The following LAMB4 variants were observed in gnomAD, a reference collection of about 807,000 sequenced individuals.
LAMB4 encodes laminin subunit beta 4, also known as laminin subunit beta-4.
In LAMB4, 196 loss-of-function variants were observed where a neutral mutation model predicts 199.2. The ratio of observed to expected loss-of-function variants is 0.98; its 90% CI spans 0.88 to 1.11. The LOEUF is 1.11. LAMB4 is among the 50% of genes least tolerant of loss of function. The pLI is 0.00. For missense variants in LAMB4, 2,080 were observed against 2,171.2 expected (o/e 0.96, Z 0.83); for synonymous variants, 744 against 770.6 (o/e 0.97, Z 0.57).
rs553517171 is a variant in LAMB4, at chr7:108,037,439, T to C, written c.4628A>G (p.Asn1543Ser). The C allele has an allele frequency of 2.5e-6, 4 of 1,614,212 alleles. No homozygotes were observed. Among genetic ancestry groups the C allele is most frequent in the African/African-American group, 1.3e-5 (1 of 75,052 alleles). The change falls in exon 30 of 34, where the codon AAT becomes AGT. Residue 1543 changes from asparagine to serine, a missense_variant. By Grantham distance (46) the Asn-to-Ser change is conservative. Transcript: ENST00000388781. ...CTTTTGGGCTCCATCTGCTTCTTCA[T>C]TTAACCTGTTTTCATCTGTCCTGTA... ...EDYRTDENRLNEEADGAQKLL... is the reference protein window; with the variant it reads ...EDYRTDENRLSEEADGAQKLL...
Position 108,109,245 on chromosome 7 carries a change from C to T in LAMB4, c.329-1G>A, listed in dbSNP as rs746705827. On this transcript the variant is annotated splice_acceptor_variant, in intron 4 of 33. Transcript: ENST00000388781. LOFTEE classifies it high-confidence loss of function. ...AGTCTGATGCTGACATGATCAAGAC[C>T]TAAGGAAGAATCCAGAAAGAAGAAA... 2.1e-5 allele frequency: 33 copies of T among 1,609,360 alleles called. No homozygotes were observed. Among genetic ancestry groups the T allele is most frequent in the African/African-American group, 2.7e-5 (2 of 74,796 alleles).
At position 108,023,707 on chromosome 7, in the gene LAMB4, C is replaced by T; in HGVS notation, c.*332G>A. The T allele has an allele frequency of 5.9e-6, 1 of 169,492 alleles. No individual in the cohort carries two copies. Among genetic ancestry groups the T allele is most frequent in the Non-Finnish European group, 1.2e-5 (1 of 80,044 alleles). The allele number at this position is 169,492 out of a possible 1,614,324, so 10.5% of individuals were successfully genotyped here. On this transcript the variant is annotated 3_prime_UTR_variant, in exon 34 of 34. Coordinates refer to ENST00000388781, the MANE Select transcript of LAMB4 (RefSeq NM_007356.3). ...TTATTTAATGTTTAGGTTTATCTGACTGAAATGATTATTAGTTAGTAGAGT... is the reference window on the plus strand; with the variant it reads ...TTATTTAATGTTTAGGTTTATCTGATTGAAATGATTATTAGTTAGTAGAGT...
At chr7:108,122,723 G>T (rs1003429190) in intron 2 of LAMB4, among the ~76,000 whole-genome samples, 3 of 152,180 alleles carry the variant, frequency 2.0e-5, no homozygotes, top group African/African-American at 4.8e-5. Context: ...TGGAGAATTT[G>T]GCCTTTTAGC....
At chr7:108,015,597 A>G in the LAMB4 span, among the ~76,000 whole-genome samples, 1 of 152,182 alleles carries the variant, frequency 6.6e-6, no homozygotes, top group Admixed American at 6.5e-5. Flanking sequence ...TAGTTATTCT[A>G]ATAGGTTATT....
rs770334853 is a variant in LAMB4, at chr7:108,043,872, C to T, written c.4351G>A (p.Glu1451Lys). 6.2e-6 allele frequency: 10 copies of T among 1,603,844 alleles called. No homozygotes were observed. The highest frequency in any genetic ancestry group is 5.2e-5 in the Admixed American group (3 of 57,784). Residue 1451 changes from glutamate to lysine, a missense_variant, in exon 29 of 34, where the codon GAA becomes AAA. Coordinates refer to ENST00000388781, the MANE Select transcript of LAMB4 (RefSeq NM_007356.3). The stretch of plus-strand genomic sequence containing the variant: ...TGTAAGGCATTGTTTTTGGAGACTT[C>T]TGCCTGTTCACTTATACTTTCGATC... ...NQIESISEQA[E>K]VSKNNALQLR... is the part of the protein sequence containing the mutation.
At chr7:108,036,167 C>A (rs1440976102) in intron 30 of LAMB4, among the ~76,000 whole-genome samples, 1 of 151,592 alleles carries the variant, frequency 6.6e-6, no homozygotes, top group Non-Finnish European at 1.5e-5. Context: ...CCATCAGTAT[C>A]ACTTTTAATT....
chr7:108,076,176 G>GT (rs796087690), intron 17 of LAMB4, among the ~76,000 whole-genome samples: 44 of 152,060 alleles, frequency 2.9e-4, no homozygotes, highest in African/African-American at 9.9e-4. Context: ...ACACATAGTA[G>GT]TAAAAAATAG....
chr7:108,031,580 A>C (rs1247234170), intron 31 of LAMB4, among the ~76,000 whole-genome samples: 1 of 152,034 alleles, frequency 6.6e-6, no homozygotes, highest in East Asian at 1.9e-4. Context: ...TTTTTTCTAC[A>C]ACCTATGCAG....
Position 108,091,685 on chromosome 7 carries a change from A to G in LAMB4, c.1642T>C (p.Leu548=). The change falls in exon 14 of 34, where the codon TTG becomes CTG. Residue 548 remains leucine (L), a synonymous_variant. Transcript: ENST00000388781. ...EPAPGYFFAP[L]NFYLYEAEEA... is the part of the protein sequence containing the mutation. ...TCTGCCTCGTAGAGATAGAAATTCA[A>G]AGGAGCAAAGAAGTAGCCAGGGGCT... 5.0e-6 allele frequency: 8 copies of G among 1,614,186 alleles called. No individual in the cohort carries two copies. Among genetic ancestry groups the G allele is most frequent in the Non-Finnish European group, 6.8e-6 (8 of 1,180,032 alleles).
At chr7:108,063,702 C>T (rs141330442) in intron 22 of LAMB4, 59 bp downstream of exon 22, 2 of 1,432,286 alleles carry the variant, frequency 1.4e-6, no homozygotes, top group African/African-American at 2.8e-5. Context: ...GAGCTGACAA[C>T]ACACTTATGA....
chr7:108,012,335 A>T, the LAMB4 span, among the ~76,000 whole-genome samples: 1 of 152,212 alleles, frequency 6.6e-6, no homozygotes, highest in African/African-American at 2.4e-5. Flanking sequence ...TTTATGGGAT[A>T]CGTGGACTGT....
chr7:108,086,120 G>T (rs1012804406), intron 14 of LAMB4, among the ~76,000 whole-genome samples: 4 of 152,168 alleles, frequency 2.6e-5, no homozygotes, highest in African/African-American at 9.7e-5. Context: ...TCACCTGGAA[G>T]GTTACCTGCA....
chr7:108,052,037 T>C, intron 26 of LAMB4, 60 bp downstream of exon 26: 1 of 1,426,520 alleles, frequency 7.0e-7, no homozygotes, highest in Non-Finnish European at 9.6e-7. Flanking sequence ...ACTAATGGAA[T>C]GCACTGTGGA....
At chr7:108,057,810 T>G in intron 24 of LAMB4, 22 bp downstream of exon 24, 1 of 1,531,744 alleles carries the variant, frequency 6.5e-7, no homozygotes, top group South Asian at 1.1e-5. Context: ...ACGCATGAGT[T>G]TTTAGAAATC....
chr7:108,092,257 C>G, intron 13 of LAMB4, 80 bp downstream of exon 13: 1 of 1,060,030 alleles, frequency 9.4e-7, no homozygotes. Flanking sequence ...AATTTTTCAC[C>G]TATGACTATG....
Position 108,102,957 on chromosome 7 carries a change from A to G in LAMB4, c.1180+87T>C, listed in dbSNP as rs970627644. ...ATAGGGTAGTTTGGAGATGCCGTTAAGCAGATAAGGTGCGGGCAGCCCCAG... is the reference window on the plus strand; with the variant it reads ...ATAGGGTAGTTTGGAGATGCCGTTAGGCAGATAAGGTGCGGGCAGCCCCAG... On this transcript the variant is annotated intron_variant, in intron 10 of 33. Coordinates refer to ENST00000388781, the MANE Select transcript of LAMB4 (RefSeq NM_007356.3). 3.4e-6 allele frequency: 4 copies of G among 1,175,966 alleles called. No homozygotes were observed. In the African/African-American group the frequency reaches 6.0e-5, roughly 18 times the overall value. 72.8% of individuals were successfully genotyped at this position (1,175,966 alleles called of 1,614,324 possible).
In LAMB4 at chr7:108,037,570, G is replaced by T. The variant is rs768500048; in HGVS notation, c.4497C>A (p.Ile1499=). 1 of 1,614,088 alleles carries T rather than the reference G, an allele frequency of 6.2e-7. No homozygotes were observed. The highest frequency in any genetic ancestry group is 8.5e-7 in the Non-Finnish European group (1 of 1,179,960). The change falls in exon 30 of 34, where the codon ATC becomes ATA. Residue 1499 remains isoleucine (I), a synonymous_variant. Transcript: ENST00000388781. ...CAAGCACACCATTCGCAACCTTCTC[G>T]ATGTCTTCTGGAGGCACGTTTTCCT... The part of the protein sequence containing the change: ...LLEENVPPED[I]EKVANGVLDI...
At chr7:108,040,024 T>C (rs2035367054) in intron 29 of LAMB4, among the ~76,000 whole-genome samples, 1 of 152,154 alleles carries the variant, frequency 6.6e-6, no homozygotes. Flanking sequence ...CCCGTAGCCT[T>C]GGCCCAAAAG....
intron 11 of LAMB4, among the ~76,000 whole-genome samples, chr7:108,096,764 T>A (rs1275971907): frequency 1.5e-5 from 2 of 136,092 alleles, no homozygotes; most frequent in Admixed American, 1.5e-4. Context: ...AGACTCCGTC[T>A]CTCAAAAAAA....
Sources: allele counts gnomAD v4.1 joint callset (sites outside exome capture counted in the v4.1 genomes callset), GRCh38; gene constraint gnomAD v4.1.1; transcripts MANE v1.5; gene names NCBI Gene and HGNC (gene_info 2026-07-23, HGNC 2026-07-21).